SLC39A11: variants seen among roughly 807,000 people sequenced by gnomAD.
The protein encoded by SLC39A11 is solute carrier family 39 member 11.
A neutral mutation model predicts 36.1 loss-of-function variants in SLC39A11; 33 were observed. The ratio of observed to expected loss-of-function variants is 0.91; its 90% CI spans 0.69 to 1.22. The LOEUF is 1.22. SLC39A11 is among the 50% of genes most tolerant of loss of function. SLC39A11 has a pLI of 0.00. For missense variants in SLC39A11, 432 were observed against 430.3 expected, an observed-to-expected ratio of 1.00 and a Z score of -0.03; for synonymous variants, 166 against 170.3, an observed-to-expected ratio of 0.97 and a Z score of 0.20.
chr17:72,687,148 T>C (rs547346566), intron 7 of SLC39A11, among the ~76,000 whole-genome samples: 1 of 152,340 alleles, frequency 6.6e-6, no homozygotes, highest in East Asian at 1.9e-4. Context: ...CACTTCAGTC[T>C]CCCAAGTAGC....
intron 6 of SLC39A11, among the ~76,000 whole-genome samples, chr17:72,765,893 G>A (rs73352911): frequency 0.017 from 2,614 of 152,192 alleles, 70 homozygotes; most frequent in African/African-American, 0.059. Context: ...CAACCTCAAG[G>A]GCCCAGACAG....
At chr17:72,855,229 G>A in intron 5 of SLC39A11, among the ~76,000 whole-genome samples, 1 of 152,168 alleles carries the variant, frequency 6.6e-6, no homozygotes, top group East Asian at 1.9e-4. Flanking sequence ...CTAGATAAAT[G>A]CCAAGTTAAC....
intron 7 of SLC39A11, among the ~76,000 whole-genome samples, chr17:72,685,817 T>C (rs2071719773): frequency 6.6e-6 from 1 of 152,078 alleles, no homozygotes; most frequent in South Asian, 2.1e-4. Context: ...GGTGGGAGGA[T>C]CACTTGAGGT....
intron 3 of SLC39A11, among the ~76,000 whole-genome samples, chr17:73,046,220 G>A (rs1377077247): frequency 1.3e-5 from 2 of 152,202 alleles, no homozygotes; most frequent in Non-Finnish European, 2.9e-5. Context: ...GAGGCTTGGA[G>A]GCAGATCTTC....
In SLC39A11 at chr17:72,995,237, G is replaced by A. The variant is rs375963767; in HGVS notation, c.306+36319C>T. On this transcript the variant is annotated intron_variant, in intron 4 of 9. Coordinates refer to ENST00000255559, the MANE Select transcript of SLC39A11 (RefSeq NM_139177.4). ...ACCCCTTGACCTTGGGCTTGGCCAT[G>A]TGATTTGCCTTTCATCCAAATAGAT... is the stretch of plus-strand genomic sequence containing the variant. Among the ~76,000 whole-genome samples, 44 of 152,266 alleles carry A rather than the reference G, an allele frequency of 2.9e-4. No individual in the cohort carries two copies. In the East Asian group the frequency reaches 8.5e-3, roughly 29 times the overall value.
At chr17:73,030,098 G>C (rs1157588532) in intron 4 of SLC39A11, among the ~76,000 whole-genome samples, 1 of 152,218 alleles carries the variant, frequency 6.6e-6, no homozygotes, top group Non-Finnish European at 1.5e-5. Flanking sequence ...CACATGCGCA[G>C]CTCGCAGCAG....
chr17:73,086,559 C>T (rs1966816), intron 2 of SLC39A11, among the ~76,000 whole-genome samples: 111,124 of 152,102 alleles, frequency 0.73, 40,703 homozygotes, highest in East Asian at 0.86. Flanking sequence ...ATGGTGCACA[C>T]CTGTAATCCC....
chr17:72,954,103 G>A (rs764462046), intron 4 of SLC39A11, among the ~76,000 whole-genome samples: 4 of 152,174 alleles, frequency 2.6e-5, no homozygotes, highest in Admixed American at 6.5e-5. Context: ...CTGGAGTGCA[G>A]TGGTGTGATC....
At chr17:72,729,264 A>C (rs1232148591) in intron 7 of SLC39A11, among the ~76,000 whole-genome samples, 1 of 148,094 alleles carries the variant, frequency 6.8e-6, no homozygotes, top group South Asian at 2.2e-4. Flanking sequence ...TTTGAGGCAC[A>C]GTCTCTCTAT....
At chr17:72,780,206 G>T (rs2076262759) in intron 6 of SLC39A11, among the ~76,000 whole-genome samples, 1 of 152,192 alleles carries the variant, frequency 6.6e-6, no homozygotes, top group African/African-American at 2.4e-5. Context: ...CCCAGAGAAA[G>T]CAGTGAGGAG....
Position 73,031,588 on chromosome 17 carries a change from C to T in SLC39A11, c.274G>A (p.Val92Ile), listed in dbSNP as rs77067971. 2 of 1,614,106 alleles carry T rather than the reference C, an allele frequency of 1.2e-6. No individual in the cohort carries two copies. Among genetic ancestry groups the T allele is most frequent in the South Asian group, 1.1e-5 (1 of 91,078 alleles). ...GGCATCAGGAGGTCAGCCAAGTAGACAAAAGCCGCTCCAAGGGTGAAGCCA... is the reference window on the plus strand; with the variant it reads ...GGCATCAGGAGGTCAGCCAAGTAGATAAAAGCCGCTCCAAGGGTGAAGCCA... ...AVGFTLGAAFVYLADLLMPHL... is the reference protein window; with the variant it reads ...AVGFTLGAAFIYLADLLMPHL... The change falls in exon 4 of 10, where the codon GTC (valine) becomes ATC (isoleucine). Residue 92 changes from valine to isoleucine, a missense_variant. Coordinates refer to ENST00000255559, the MANE Select transcript of SLC39A11 (RefSeq NM_139177.4).
intron 7 of SLC39A11, among the ~76,000 whole-genome samples, chr17:72,656,482 G>A (rs1418316961): frequency 6.6e-6 from 1 of 152,108 alleles, no homozygotes; most frequent in Non-Finnish European, 1.5e-5. Flanking sequence ...CGTGTGTAGA[G>A]TGGGACAGGA....
intron 7 of SLC39A11, among the ~76,000 whole-genome samples, chr17:72,673,022 A>T (rs976082150): frequency 6.6e-6 from 1 of 152,226 alleles, no homozygotes; most frequent in Non-Finnish European, 1.5e-5. Context: ...TTTATGGCCC[A>T]CAAAGCTGAA....
At chr17:72,959,370 C>T (rs1324472480) in intron 4 of SLC39A11, among the ~76,000 whole-genome samples, 32 of 94,012 alleles carry the variant, frequency 3.4e-4, no homozygotes, top group African/African-American at 1.3e-3. Flanking sequence ...TATATATGAT[C>T]GAATACTACA....
chr17:72,694,575 T>A (rs1235327630), intron 7 of SLC39A11, among the ~76,000 whole-genome samples: 1 of 152,172 alleles, frequency 6.6e-6, no homozygotes, highest in Admixed American at 6.5e-5. Context: ...GCAGGGCTGG[T>A]TTGGAAATTC....
intron 9 of SLC39A11, among the ~76,000 whole-genome samples, chr17:72,648,212 C>T (rs1206741249): frequency 1.3e-5 from 2 of 151,658 alleles, no homozygotes; most frequent in Non-Finnish European, 1.5e-5. Context: ...TGCCTGTAGT[C>T]CCAGCTACTT....
intron 3 of SLC39A11, among the ~76,000 whole-genome samples, chr17:73,067,108 C>T (rs749147302): frequency 6.6e-5 from 10 of 152,176 alleles, no homozygotes; most frequent in African/African-American, 1.9e-4. Flanking sequence ...AAGTTCTCTC[C>T]GCACTAGGCT....
At chr17:73,053,519 G>A (rs947031463) in intron 3 of SLC39A11, among the ~76,000 whole-genome samples, 3 of 152,174 alleles carry the variant, frequency 2.0e-5, no homozygotes, top group Non-Finnish European at 2.9e-5. Flanking sequence ...TTAAATGCTT[G>A]AAATATACTT....
chr17:72,679,143 G>A (rs1462192540), intron 7 of SLC39A11, among the ~76,000 whole-genome samples: 2 of 152,146 alleles, frequency 1.3e-5, no homozygotes, highest in East Asian at 3.9e-4. Flanking sequence ...GAGTGATCAA[G>A]AGGTGGGTTA....
Sources: allele counts gnomAD v4.1 joint callset (sites outside exome capture counted in the v4.1 genomes callset), GRCh38; gene constraint gnomAD v4.1.1; transcripts MANE v1.5; gene names NCBI Gene and HGNC (gene_info 2026-07-23, HGNC 2026-07-21).